The following NRG3 variants were observed in gnomAD, a reference collection of about 807,000 sequenced individuals.
NRG3 encodes the protein pro-neuregulin-3, membrane-bound isoform.
A neutral mutation model predicts 66.9 loss-of-function variants in NRG3; 31 were observed. The ratio of observed to expected loss-of-function variants is 0.46; its 90% CI spans 0.35 to 0.63. NRG3 has a LOEUF of 0.63. Ranked by LOEUF, NRG3 falls within the 20% of genes least tolerant of loss-of-function variation. NRG3 has a pLI of 0.00. For synonymous variants in NRG3, 393 were observed against 359.4 expected (o/e 1.09, Z -1.06); for missense variants, 910 against 878.9 (o/e 1.04, Z -0.45).
intron 1 of NRG3, among the ~76,000 whole-genome samples, chr10:82,188,388 A>G (rs2073935957): frequency 1.3e-5 from 2 of 152,192 alleles, no homozygotes; most frequent in African/African-American, 4.8e-5. Flanking sequence ...TATCTAGGAC[A>G]TTGGTCTAGG....
At chr10:82,204,908 GGTTTTGT>G (rs1458393040) in intron 1 of NRG3, among the ~76,000 whole-genome samples, 5 of 152,160 alleles carry the variant, frequency 3.3e-5, no homozygotes, top group African/African-American at 1.2e-4. Context: ...GTTTGCACAA[GGTTTTGT>G]GCTTAGTCCT....
chr10:82,210,126 A>G (rs2075325531), intron 1 of NRG3, among the ~76,000 whole-genome samples: 3 of 152,196 alleles, frequency 2.0e-5, no homozygotes, highest in Admixed American at 2.0e-4. Flanking sequence ...TAACATATCA[A>G]AATGAGAGGC....
chr10:82,287,902 T>C (rs1011174668), intron 1 of NRG3, among the ~76,000 whole-genome samples: 1 of 152,186 alleles, frequency 6.6e-6, no homozygotes, highest in Non-Finnish European at 1.5e-5. Flanking sequence ...TGCCATCCAG[T>C]GGTCCCTTGT....
intron 2 of NRG3, among the ~76,000 whole-genome samples, chr10:82,497,810 G>A (rs1843753575): frequency 6.6e-6 from 1 of 152,116 alleles, no homozygotes; most frequent in Non-Finnish European, 1.5e-5. Flanking sequence ...ATTTTTAGGA[G>A]CACTCATACT....
At position 82,056,103 on chromosome 10, in the gene NRG3, A is replaced by G. The variant is rs761385110; in HGVS notation, c.823+179940A>G. Among the ~76,000 whole-genome samples, 98 of 152,178 alleles carry G rather than the reference A, an allele frequency of 6.4e-4. 1 individual carries two copies. The highest frequency in any genetic ancestry group is 2.8e-3 in the Admixed American group (43 of 15,260). On this transcript the variant is annotated intron_variant, in intron 1 of 8. Transcript: ENST00000372141. ...TGTGCCTTTTAAAAAATTTTGTCCC[A>G]TCATAGTACCTGTGTGGGAGTGTGA...
At chr10:82,024,573 T>C (rs917479055) in intron 1 of NRG3, among the ~76,000 whole-genome samples, 10 of 152,034 alleles carry the variant, frequency 6.6e-5, no homozygotes, top group African/African-American at 2.2e-4. Context: ...ACAAAACTTA[T>C]GTATAAGTGG....
intron 1 of NRG3, among the ~76,000 whole-genome samples, chr10:82,105,038 G>T: frequency 6.6e-6 from 1 of 152,036 alleles, no homozygotes; most frequent in East Asian, 1.9e-4. Context: ...AAATAAACAG[G>T]TTATGGTTGT....
At chr10:82,290,302 A>G (rs1158787727) in intron 1 of NRG3, among the ~76,000 whole-genome samples, 3 of 152,228 alleles carry the variant, frequency 2.0e-5, no homozygotes, top group Admixed American at 1.3e-4. Flanking sequence ...AATTTCAGCA[A>G]TAACAGTTTA....
intron 2 of NRG3, among the ~76,000 whole-genome samples, chr10:82,597,892 G>T (rs1218208403): frequency 6.7e-6 from 1 of 148,392 alleles, no homozygotes; most frequent in East Asian, 2.0e-4. Context: ...TTGCACTCCA[G>T]CCTGGTGACA....
chr10:82,877,279 CCT>C (rs1245389872), intron 4 of NRG3, among the ~76,000 whole-genome samples: 1 of 151,854 alleles, frequency 6.6e-6, no homozygotes, highest in Non-Finnish European at 1.5e-5. Flanking sequence ...GTGTTGAGCC[CCT>C]GTGAGAGCTC....
intron 1 of NRG3, among the ~76,000 whole-genome samples, chr10:81,970,729 A>C (rs1343046035): frequency 6.6e-6 from 1 of 152,128 alleles, no homozygotes; most frequent in Admixed American, 6.6e-5. Flanking sequence ...TCAGACTTCC[A>C]AAACTGCATA....
chr10:82,573,266 A>G (rs562635667), intron 2 of NRG3, among the ~76,000 whole-genome samples: 1 of 151,732 alleles, frequency 6.6e-6, no homozygotes, highest in Non-Finnish European at 1.5e-5. Flanking sequence ...TCTCTTGGAA[A>G]ATCTGGTATT....
chr10:82,752,727 G>A (rs1057461652), intron 3 of NRG3, among the ~76,000 whole-genome samples: 3 of 152,166 alleles, frequency 2.0e-5, no homozygotes, highest in Non-Finnish European at 2.9e-5. Context: ...TGGGATTAAT[G>A]ACCTTAAAGA....
intron 2 of NRG3, among the ~76,000 whole-genome samples, chr10:82,598,147 T>C (rs1467021819): frequency 6.6e-6 from 1 of 152,186 alleles, no homozygotes; most frequent in Non-Finnish European, 1.5e-5. Context: ...GCAGAGTTTT[T>C]TTAAAAAAAT....
chr10:82,623,999 A>G (rs1590918753), intron 2 of NRG3, among the ~76,000 whole-genome samples: 1 of 152,152 alleles, frequency 6.6e-6, no homozygotes, highest in African/African-American at 2.4e-5. Flanking sequence ...CGTAACTGCC[A>G]TAGAAAGCAT....
At chr10:82,061,273 C>T (rs1017444383) in intron 1 of NRG3, among the ~76,000 whole-genome samples, 3 of 152,158 alleles carry the variant, frequency 2.0e-5, no homozygotes, top group Non-Finnish European at 4.4e-5. Context: ...ATCCCTTCAG[C>T]TCAGGAGGCG....
At chr10:82,073,607 C>CT (rs939318540) in intron 1 of NRG3, among the ~76,000 whole-genome samples, 4 of 152,030 alleles carry the variant, frequency 2.6e-5, no homozygotes, top group African/African-American at 4.8e-5. Context: ...ACCTCATTCT[C>CT]TTTTTTGCCA....
At chr10:82,222,307 T>G (rs1010145690) in intron 1 of NRG3, among the ~76,000 whole-genome samples, 2 of 151,930 alleles carry the variant, frequency 1.3e-5, no homozygotes, top group Non-Finnish European at 2.9e-5. Flanking sequence ...AATAGAACAA[T>G]TTCTTAAATA....
At chr10:82,477,888 C>G (rs144112122) in intron 2 of NRG3, among the ~76,000 whole-genome samples, 4 of 152,206 alleles carry the variant, frequency 2.6e-5, no homozygotes, top group African/African-American at 9.6e-5. Flanking sequence ...CCGGGAGAGT[C>G]TGCAATGACT....
Sources: allele counts gnomAD v4.1 joint callset (sites outside exome capture counted in the v4.1 genomes callset), GRCh38; gene constraint gnomAD v4.1.1; transcripts MANE v1.5; gene names NCBI Gene and HGNC (gene_info 2026-07-23, HGNC 2026-07-21).